The following APBA2 variants were observed in gnomAD, a reference collection of about 807,000 sequenced individuals.
APBA2 encodes amyloid-beta A4 precursor protein-binding family A member 2.
Under a neutral mutation model 75.0 loss-of-function variants are expected in APBA2, and 30 were observed. That is an observed-to-expected ratio of 0.40 (90% CI 0.30 to 0.54). APBA2 has a LOEUF of 0.54. Among genes scored for constraint, APBA2 ranks in the 20% least tolerant of loss-of-function variants. The pLI is 0.49. For missense variants in APBA2, 801 were observed against 1,016.1 expected (o/e 0.79, Z 2.88); for synonymous variants, 444 against 409.6 (o/e 1.08, Z -1.01).
At chr15:28,980,875 A>G (rs973019343) in intron 2 of APBA2, among the ~76,000 whole-genome samples, 1 of 152,222 alleles carries the variant, frequency 6.6e-6, no homozygotes, top group African/African-American at 2.4e-5. Flanking sequence ...GAACCCAGAA[A>G]TAAAGCCACA....
In APBA2 at chr15:28,998,033, G is replaced by A. The variant is rs563820404; in HGVS notation, c.-41+2227G>A. On this transcript the variant is annotated intron_variant, in intron 3 of 14. Transcript: ENST00000683413. ...GAGTCTCTGTGAGGAGATCTGTAAA[G>A]AGAAGAAAGGGCCGGGGTTTATTTA... Among the ~76,000 whole-genome samples, 4 of 152,316 alleles carry A rather than the reference G, an allele frequency of 2.6e-5. No homozygotes were observed. In the South Asian group the frequency reaches 8.3e-4, roughly 32 times the overall value.
chr15:28,974,788 A>G (rs2037248170), intron 2 of APBA2, among the ~76,000 whole-genome samples: 2 of 152,222 alleles, frequency 1.3e-5, no homozygotes, highest in South Asian at 4.1e-4. Flanking sequence ...AGCTGTGGTT[A>G]TAACCTCAGA....
At chr15:29,034,920 C>G (rs934485734) in intron 3 of APBA2, among the ~76,000 whole-genome samples, 2 of 152,160 alleles carry the variant, frequency 1.3e-5, no homozygotes, top group Non-Finnish European at 2.9e-5. Flanking sequence ...GGTGTTTGAA[C>G]TTTGGATTCT....
chr15:29,040,195 G>A (rs2040963949), intron 3 of APBA2, among the ~76,000 whole-genome samples: 1 of 152,210 alleles, frequency 6.6e-6, no homozygotes, highest in Non-Finnish European at 1.5e-5. Context: ...TCTGGTTGGA[G>A]GAACCGGTTG....
chr15:28,935,193 C>A (rs2034788963), intron 2 of APBA2, among the ~76,000 whole-genome samples: 1 of 152,188 alleles, frequency 6.6e-6, no homozygotes, highest in African/African-American at 2.4e-5. Context: ...CACAGGTCGC[C>A]TTAAAGAGAG....
chr15:28,933,197 C>G (rs8025291), intron 2 of APBA2, among the ~76,000 whole-genome samples: 1 of 152,032 alleles, frequency 6.6e-6, no homozygotes, highest in African/African-American at 2.4e-5. Context: ...ATTGTTGCAT[C>G]GGGGATTAGG....
chr15:28,964,415 G>T (rs923548954), intron 2 of APBA2, among the ~76,000 whole-genome samples: 6 of 151,884 alleles, frequency 4.0e-5, no homozygotes, highest in African/African-American at 1.2e-4. Flanking sequence ...TAATAATGTT[G>T]GGGATCTTTT....
intron 2 of APBA2, among the ~76,000 whole-genome samples, chr15:28,936,365 T>C (rs1338698941): frequency 6.6e-6 from 1 of 152,164 alleles, no homozygotes; most frequent in Non-Finnish European, 1.5e-5. Flanking sequence ...TACAAAGTCA[T>C]GGGCAGGAAA....
chr15:28,992,491 T>C (rs1164302198), intron 2 of APBA2, among the ~76,000 whole-genome samples: 2 of 152,244 alleles, frequency 1.3e-5, no homozygotes, highest in African/African-American at 4.8e-5. Context: ...AGTGGTATCC[T>C]GTGAGAAAAT....
chr15:29,015,472 G>C (rs921475793), intron 3 of APBA2, among the ~76,000 whole-genome samples: 1 of 152,166 alleles, frequency 6.6e-6, no homozygotes, highest in Non-Finnish European at 1.5e-5. Flanking sequence ...TTTGCCTGCT[G>C]TCCCCCAGGA....
intron 3 of APBA2, among the ~76,000 whole-genome samples, chr15:29,049,591 C>T (rs933510825): frequency 3.3e-5 from 5 of 152,146 alleles, no homozygotes; most frequent in Admixed American, 1.3e-4. Context: ...CTAAAAAATA[C>T]AGGCACCTCT....
At position 29,088,421 on chromosome 15, in the gene APBA2, C is replaced by T. The variant is rs562599191; in HGVS notation, c.1070-4654C>T. On this transcript the variant is annotated intron_variant, in intron 6 of 14. Transcript: ENST00000683413. Reference sequence around the variant, plus strand: ...CCTGCCACTAAACTTGCCTGGAATCCCCAACCCAAGCTCAGTCCTCTTCCA... The same window carrying T: ...CCTGCCACTAAACTTGCCTGGAATCTCCAACCCAAGCTCAGTCCTCTTCCA... Among the ~76,000 whole-genome samples the T allele has an allele frequency of 3.3e-5, 5 of 152,266 alleles. No homozygotes were observed. In the East Asian group the frequency reaches 9.7e-4, roughly 29 times the overall value.
At chr15:29,047,729 A>G (rs2041406341) in intron 3 of APBA2, among the ~76,000 whole-genome samples, 3 of 152,208 alleles carry the variant, frequency 2.0e-5, no homozygotes, top group Admixed American at 1.3e-4. Flanking sequence ...GGGAAGCAAA[A>G]TGGTGACTTC....
At chr15:28,890,589 T>G (rs528267002) in intron 1 of APBA2, among the ~76,000 whole-genome samples, 2 of 152,300 alleles carry the variant, frequency 1.3e-5, no homozygotes, top group South Asian at 2.1e-4. Flanking sequence ...GATGCTTTAG[T>G]TTTATGAGAA....
chr15:28,990,764 A>C (rs1172224124), intron 2 of APBA2: 2 of 152,238 alleles, frequency 1.3e-5, no homozygotes, highest in Non-Finnish European at 2.9e-5. Flanking sequence ...AATGTTACTC[A>C]TCACATGTGG....
rs1449939253 is a variant in APBA2 at position 29,117,412 on chromosome 15, G to GTGTC, written c.*281_*284dup. The GTGTC allele has an allele frequency of 5.7e-6, 3 of 526,248 alleles. No homozygotes were observed. The highest frequency in any genetic ancestry group is 2.1e-5 in the South Asian group (1 of 48,620). 32.6% of individuals were successfully genotyped at this position (526,248 alleles called of 1,614,324 possible). ...GTCTTCTCCCTGCACAAGCCAGGGTGTGTCTCGGTAGCTGTGCGTGGTGTG... is the reference window on the plus strand; with the variant it reads ...GTCTTCTCCCTGCACAAGCCAGGGTGTGTCTGTCTCGGTAGCTGTGCGTGGTGTG... On this transcript the variant is annotated 3_prime_UTR_variant, in exon 15 of 15. Transcript: ENST00000683413.
At chr15:28,976,610 A>G (rs1449403753) in intron 2 of APBA2, among the ~76,000 whole-genome samples, 3 of 152,338 alleles carry the variant, frequency 2.0e-5, no homozygotes, top group East Asian at 3.9e-4. Context: ...AATGTGATGA[A>G]TTATGTGATT....
At chr15:28,957,225 A>G (rs1311019745) in intron 2 of APBA2, among the ~76,000 whole-genome samples, 7 of 145,024 alleles carry the variant, frequency 4.8e-5, no homozygotes, top group African/African-American at 1.7e-4. Flanking sequence ...GGCGCCCGCC[A>G]CCGTGCCTGG....
intron 1 of APBA2, among the ~76,000 whole-genome samples, chr15:28,910,919 T>C (rs2033399756): frequency 6.6e-6 from 1 of 152,188 alleles, no homozygotes. Context: ...CGTCTTGATT[T>C]TTGGGGCAGT....
Sources: gnomAD v4.1 joint callset for allele counts (sites outside exome capture counted in the v4.1 genomes callset) on GRCh38, gnomAD v4.1.1 for gene constraint, MANE v1.5 for transcripts, NCBI Gene and HGNC (gene_info 2026-07-23, HGNC 2026-07-21) for gene names.